MYOCD: variants seen among roughly 807,000 people sequenced by gnomAD.
MYOCD encodes the protein myocardin.
In MYOCD, 32 loss-of-function variants were observed where a neutral mutation model predicts 96.1. The observed-to-expected ratio is 0.33, with a 90% confidence interval of 0.25 to 0.45. The LOEUF (loss-of-function observed/expected upper bound fraction) is 0.45. Among genes scored for constraint, MYOCD ranks in the 20% least tolerant of loss-of-function variants. The pLI, the probability that MYOCD is intolerant of heterozygous loss-of-function variation, is 1.00. For missense variants in MYOCD, 1,133 were observed against 1,200.6 expected, an observed-to-expected ratio of 0.94 and a Z score of 0.83; for synonymous variants, 469 against 469.0, an observed-to-expected ratio of 1.00 and a Z score of 0.00.
intron 1 of MYOCD, among the ~76,000 whole-genome samples, chr17:12,689,594 G>A (rs539593288): frequency 6.6e-6 from 1 of 152,318 alleles, no homozygotes; most frequent in South Asian, 2.1e-4. Context: ...CACTTTGGGA[G>A]GCCAAGGCAG....
At chr17:12,725,119 C>T (rs1051389350) in intron 5 of MYOCD, among the ~76,000 whole-genome samples, 10 of 151,788 alleles carry the variant, frequency 6.6e-5, no homozygotes, top group African/African-American at 1.4e-4. Context: ...CTATTAATTG[C>T]GCACATTTAT....
chr17:12,763,748 A>G lies in MYOCD; in HGVS notation c.*104A>G. ...CCAAAAACAGAAGAAGAAGAAGAGA[A>G]TTAAAAAGAAGCAATGATTTCTGTG... On this transcript the variant is annotated 3_prime_UTR_variant, in exon 14 of 14. Transcript: ENST00000425538. 5 of 1,049,632 alleles carry G rather than the reference A, an allele frequency of 4.8e-6. No individual in the cohort carries two copies. Among genetic ancestry groups the G allele is most frequent in the South Asian group, 1.8e-5 (1 of 55,854 alleles). The allele number at this position is 1,049,632 out of a possible 1,614,324, so 65.0% of individuals were successfully genotyped here.
intron 4 of MYOCD, among the ~76,000 whole-genome samples, chr17:12,722,585 T>G (rs2150690227): frequency 6.6e-6 from 1 of 152,258 alleles, no homozygotes. Flanking sequence ...GCTTACAAAA[T>G]CTCCAAATTG....
intron 5 of MYOCD, among the ~76,000 whole-genome samples, chr17:12,733,416 C>T (rs7224591): frequency 0.45 from 67,950 of 151,426 alleles, 15,510 homozygotes; most frequent in East Asian, 0.66. Context: ...TACCATAAAC[C>T]ATACAATGGC....
intron 10 of MYOCD, among the ~76,000 whole-genome samples, chr17:12,755,214 T>TC (rs2032977031): frequency 6.6e-6 from 1 of 152,234 alleles, no homozygotes; most frequent in Admixed American, 6.5e-5. Context: ...GAGACACAGC[T>TC]CTGGACCAAA....
intron 1 of MYOCD, among the ~76,000 whole-genome samples, chr17:12,674,491 T>G (rs913585521): frequency 6.6e-6 from 1 of 152,020 alleles, no homozygotes; most frequent in Non-Finnish European, 1.5e-5. Context: ...GAAAAAAAAA[T>G]TAAGAAATTT....
intron 1 of MYOCD, among the ~76,000 whole-genome samples, chr17:12,679,369 G>A (rs1910310477): frequency 6.6e-6 from 1 of 152,182 alleles, no homozygotes; most frequent in South Asian, 2.1e-4. Flanking sequence ...CCCTGGCTTA[G>A]TAGAAATGCA....
intron 1 of MYOCD, among the ~76,000 whole-genome samples, chr17:12,683,984 C>T (rs1345080200): frequency 6.6e-6 from 1 of 152,240 alleles, no homozygotes; most frequent in East Asian, 1.9e-4. Context: ...AGGCTCCTGG[C>T]AGCCCTACCA....
chr17:12,761,979 A>C (rs2033191125), intron 13 of MYOCD: 1 of 152,314 alleles, frequency 6.6e-6, no homozygotes, highest in Non-Finnish European at 1.5e-5. Flanking sequence ...GTGAGGATGC[A>C]GAAGGGGAGT....
chr17:12,755,422 A>G (rs897949317), intron 10 of MYOCD, among the ~76,000 whole-genome samples: 3 of 152,162 alleles, frequency 2.0e-5, no homozygotes, highest in African/African-American at 7.2e-5. Flanking sequence ...CAGCCTGGCC[A>G]ACACAGTGAA....
At chr17:12,705,307 T>A in intron 2 of MYOCD, 114 bp downstream of exon 2, 1 of 681,286 alleles carries the variant, frequency 1.5e-6, no homozygotes, top group Admixed American at 2.8e-5. Flanking sequence ...CCGAAGATCT[T>A]CAAAGCATTG....
chr17:12,757,450 T>C (rs1451964290), intron 11 of MYOCD, among the ~76,000 whole-genome samples: 1 of 152,176 alleles, frequency 6.6e-6, no homozygotes, highest in Non-Finnish European at 1.5e-5. Flanking sequence ...ATAAATGACC[T>C]GTGGGGTAGA....
At chr17:12,759,783 T>C (rs971696003) in intron 12 of MYOCD, among the ~76,000 whole-genome samples, 4 of 152,212 alleles carry the variant, frequency 2.6e-5, no homozygotes, top group African/African-American at 9.7e-5. Context: ...TTGAGCCACA[T>C]TGGAGCAACC....
At chr17:12,670,721 A>G (rs993268542) in intron 1 of MYOCD, among the ~76,000 whole-genome samples, 2 of 152,166 alleles carry the variant, frequency 1.3e-5, no homozygotes, top group African/African-American at 4.8e-5. Context: ...ACTGGTTTCT[A>G]TTTCAAGTTG....
chr17:12,744,002 G>A (rs1597800375), intron 7 of MYOCD, among the ~76,000 whole-genome samples, 181 bp from the exon 8 acceptor site: 1 of 152,298 alleles, frequency 6.6e-6, no homozygotes, highest in African/African-American at 2.4e-5. Context: ...CATTTGCAAT[G>A]GATTTGTTCA....
rs2033295516 is a variant in MYOCD at position 12,764,959 on chromosome 17, A to G, written c.*1315A>G. 3.3e-5 allele frequency: 5 copies of G among 152,320 alleles called. No homozygotes were observed. The South Asian group carries it at 1.0e-3, about 32-fold the overall frequency. The allele number at this position is 152,320 out of a possible 1,614,324, so 9.4% of individuals were successfully genotyped here. On this transcript the variant is annotated 3_prime_UTR_variant, in exon 14 of 14. Coordinates refer to ENST00000425538, the MANE Select transcript of MYOCD (RefSeq NM_001146312.3). ...CACGAAGTTCTTTCTATTCTCGTTT[A>G]GTTTTCAAGAAATTATTGGTTTGTG...
rs1263233885 is a variant in MYOCD, at chr17:12,765,733, A to C, written c.*2089A>C. 2.6e-5 allele frequency: 4 copies of C among 152,174 alleles called. No individual in the cohort carries two copies. The highest frequency in any genetic ancestry group is 5.9e-5 in the Non-Finnish European group (4 of 68,032). The allele number at this position is 152,174 out of a possible 1,614,324, so 9.4% of individuals were successfully genotyped here. ...ACACGTTGCCTCTCTGTGTATGACT[A>C]ACGGCTCCAACCCGATGACTCACAG... On this transcript the variant is annotated 3_prime_UTR_variant, in exon 14 of 14. Coordinates refer to ENST00000425538, the MANE Select transcript of MYOCD (RefSeq NM_001146312.3).
chr17:12,667,368 G>A (rs1323861463), intron 1 of MYOCD, among the ~76,000 whole-genome samples: 1 of 152,154 alleles, frequency 6.6e-6, no homozygotes, highest in Non-Finnish European at 1.5e-5. Context: ...GAAAACTCAA[G>A]AGCTTAGGCG....
chr17:12,738,055 C>T (rs2032395625), intron 6 of MYOCD, among the ~76,000 whole-genome samples: 1 of 152,228 alleles, frequency 6.6e-6, no homozygotes, highest in Non-Finnish European at 1.5e-5. Flanking sequence ...CAGTAAATTC[C>T]TAAGCTTCTG....
Sources: gnomAD v4.1 joint callset for allele counts (sites outside exome capture counted in the v4.1 genomes callset) on GRCh38, gnomAD v4.1.1 for gene constraint, MANE v1.5 for transcripts, NCBI Gene and HGNC (gene_info 2026-07-23, HGNC 2026-07-21) for gene names.